Variants in TNNT3 observed in about 807,000 individuals in gnomAD.
TNNT3 encodes troponin T3, fast skeletal type, also known as troponin T, fast skeletal muscle.
A neutral mutation model predicts 54.2 loss-of-function variants in TNNT3; 36 were observed. The ratio of observed to expected loss-of-function variants is 0.66; its 90% confidence interval spans 0.51 to 0.88. TNNT3 has a LOEUF of 0.88. TNNT3 is among the 40% of genes least tolerant of loss of function. TNNT3 has a pLI of 0.00. For missense variants in TNNT3, 291 were observed against 331.6 expected (o/e 0.88, Z 0.95); for synonymous variants, 120 against 109.7 (o/e 1.09, Z -0.59).
At chr11:1,924,235 C>A (rs1235990739) in intron 4 of TNNT3, among the ~76,000 whole-genome samples, 2 of 152,220 alleles carry the variant, frequency 1.3e-5, no homozygotes, top group Non-Finnish European at 2.9e-5. Flanking sequence ...CAACCCTGTG[C>A]TGTAACCCTG....
intron 8 of TNNT3, among the ~76,000 whole-genome samples, 197 bp from the exon 9 acceptor site, chr11:1,932,272 G>A (rs1444992339): frequency 6.6e-6 from 1 of 152,270 alleles, no homozygotes; most frequent in African/African-American, 2.4e-5. Context: ...AGGGGCTCAA[G>A]CCACTCTCAG....
rs1179003571 is a variant in TNNT3, at chr11:1,938,454, A to C, written c.739A>C (p.Thr247Pro). The change falls in exon 16 of 16, where the codon ACC becomes CCC. Residue 247 changes from threonine (T) to proline (P), a missense_variant. Coordinates refer to ENST00000278317, the MANE Select transcript of TNNT3 (RefSeq NM_006757.4). The stretch of plus-strand genomic sequence containing the variant: ...CATTTGCAGCAGCAAGAAGGCTGGG[A>C]CCCCAGCCAAGGGCAAAGTCGGCGG... ...QAQKHSKKAG[T>P]PAKGKVGGRW... 1 of 1,613,228 alleles carries C rather than the reference A, an allele frequency of 6.2e-7. No individual in the cohort carries two copies. The highest frequency in any genetic ancestry group is 8.5e-7 in the Non-Finnish European group (1 of 1,179,904).
chr11:1,926,407 T>A lies in TNNT3; in HGVS notation c.68-288T>A, dbSNP rs960902705. ...GGGCTTTTCCATTAACCTCGGACGC[T>A]TCTCCATTGACCTCTGACCCGCGGT... On this transcript the variant is annotated intron_variant, in intron 5 of 15. Coordinates refer to ENST00000278317, the MANE Select transcript of TNNT3 (RefSeq NM_006757.4). 4 of 1,608,086 alleles carry A rather than the reference T, an allele frequency of 2.5e-6. No individual in the cohort carries two copies. In the African/African-American group the frequency reaches 4.0e-5, roughly 16 times the overall value.
At chr11:1,921,968 T>C (rs1354322607) in intron 1 of TNNT3, among the ~76,000 whole-genome samples, 1 of 152,176 alleles carries the variant, frequency 6.6e-6, no homozygotes, top group Non-Finnish European at 1.5e-5. Flanking sequence ...CAGCCAGTCC[T>C]GGGCATGGAG....
intron 8 of TNNT3, among the ~76,000 whole-genome samples, 162 bp from the exon 9 acceptor site, chr11:1,932,307 G>A (rs1294823806): frequency 6.6e-6 from 1 of 152,242 alleles, no homozygotes; most frequent in African/African-American, 2.4e-5. Flanking sequence ...AACCTCATAA[G>A]AATAAAGCTG....
chr11:1,931,135 A>G (rs1853233611), intron 8 of TNNT3, among the ~76,000 whole-genome samples: 1 of 152,196 alleles, frequency 6.6e-6, no homozygotes, highest in East Asian at 1.9e-4. Flanking sequence ...AGTCTTCTTA[A>G]ATATTTTGAA....
chr11:1,931,681 A>C (rs996027940), intron 8 of TNNT3, among the ~76,000 whole-genome samples: 8 of 149,284 alleles, frequency 5.4e-5, no homozygotes, highest in African/African-American at 2.0e-4. Flanking sequence ...ATTTGCTGAA[A>C]ATTTTTTTTA....
chr11:1,935,762 A>G (rs976786400), intron 14 of TNNT3, among the ~76,000 whole-genome samples: 5 of 151,692 alleles, frequency 3.3e-5, no homozygotes, highest in African/African-American at 1.2e-4. Flanking sequence ...GGCTGTGCCC[A>G]CGGGGCTTGT....
rs2133472038 is a variant in TNNT3 at position 1,934,639 on chromosome 11, G to T, written c.574G>T (p.Gly192Cys). Residue 192 changes from glycine to cysteine, a missense_variant, in exon 13 of 16, where the codon GGT (glycine) becomes TGT (cysteine). Gly to Cys is a radical substitution (Grantham distance 159, BLOSUM62 -3). Transcript: ENST00000278317. ...RRKPLNIDHL[G>C]EDKLRDKAKE... ...CAAGCCGCTCAACATCGATCACCTTGGTGAAGACAAACTGAGGTGAGGGGT... is the reference window on the plus strand; with the variant it reads ...CAAGCCGCTCAACATCGATCACCTTTGTGAAGACAAACTGAGGTGAGGGGT... The T allele has an allele frequency of 1.9e-6, 3 of 1,609,408 alleles. No homozygotes were observed. Among genetic ancestry groups the T allele is most frequent in the South Asian group, 1.1e-5 (1 of 90,716 alleles).
intron 1 of TNNT3, among the ~76,000 whole-genome samples, chr11:1,920,394 C>T (rs372684126): frequency 6.6e-6 from 1 of 152,058 alleles, no homozygotes; most frequent in Admixed American, 6.5e-5. Context: ...TGGGGCAGGA[C>T]GGGGCAAGAG....
At chr11:1,935,192 C>T in intron 14 of TNNT3, 1 of 547,792 alleles carries the variant, frequency 1.8e-6, no homozygotes, top group Non-Finnish European at 3.3e-6. Context: ...GCCAAAAGGA[C>T]TGTCGTGGCA....
At chr11:1,934,772 G>T in intron 13 of TNNT3, 57 bp from the exon 14 acceptor site, 2 of 1,600,590 alleles carry the variant, frequency 1.2e-6, no homozygotes, top group South Asian at 1.1e-5. Context: ...GACTCCAGGG[G>T]CCTGGCCCTG....
rs186387221 is a variant in TNNT3, at chr11:1,936,172, C to T, written c.682-791C>T. 1.0e-4 allele frequency: 168 copies of T among 1,613,062 alleles called. No homozygotes were observed. The African/African-American group carries it at 1.9e-3, about 19-fold the overall frequency. On this transcript the variant is annotated intron_variant, in intron 14 of 15. Coordinates refer to ENST00000278317, the MANE Select transcript of TNNT3 (RefSeq NM_006757.4). ...TAGCCCACAGCCGGGCCTCGATGCC[C>T]CAGCCGCCCATCCAGCCTTGTAACC...
intron 15 of TNNT3, among the ~76,000 whole-genome samples, chr11:1,937,961 C>A (rs1447098440): frequency 2.0e-5 from 3 of 152,186 alleles, no homozygotes; most frequent in Admixed American, 2.0e-4. Context: ...CGGGCCGAAG[C>A]ACTCCTGTCC....
Position 1,934,369 on chromosome 11 carries a change from G to A in TNNT3, c.404G>A (p.Arg135Lys). Residue 135 changes from arginine to lysine, a missense_variant, in exon 12 of 16, where the codon AGG (arginine) becomes AAG (lysine). Physicochemically the swap from Arg to Lys is conservative, Grantham distance 26. Coordinates refer to ENST00000278317, the MANE Select transcript of TNNT3 (RefSeq NM_006757.4). The stretch of plus-strand genomic sequence containing the variant: ...AGAAGGGAGGAGGAGGATGCCAAGA[G>A]GAGGGCAGAGGACGACCTGAAGAAG... ...KARREEEDAK[R>K]RAEDDLKKKK... The A allele has an allele frequency of 6.2e-7, 1 of 1,613,966 alleles. No individual in the cohort carries two copies. Among genetic ancestry groups the A allele is most frequent in the East Asian group, 2.2e-5 (1 of 44,880 alleles).
chr11:1,923,447 A>C, intron 3 of TNNT3, 108 bp from the exon 4 acceptor site: 1 of 1,205,864 alleles, frequency 8.3e-7, no homozygotes, highest in South Asian at 1.2e-5. Context: ...GGGCAGGGGC[A>C]GTCGCTGGCC....
At chr11:1,934,776 G>T in intron 13 of TNNT3, 53 bp from the exon 14 acceptor site, 1 of 1,603,508 alleles carries the variant, frequency 6.2e-7, no homozygotes, top group Non-Finnish European at 8.5e-7. Flanking sequence ...CCAGGGGCCT[G>T]GCCCTGCCTT....
At position 1,926,719 on chromosome 11, in the gene TNNT3, C is replaced by A. The variant is rs771959201; in HGVS notation, c.82+10C>A. On this transcript the variant is annotated intron_variant, in intron 6 of 15. Coordinates refer to ENST00000278317, the MANE Select transcript of TNNT3 (RefSeq NM_006757.4). ...GAGGAAGTTCAAGAAGGTACGCCGG[C>A]GCTCCCCCGCCTCCAGGCCAGAGTC... The A allele has an allele frequency of 1.2e-6, 2 of 1,613,170 alleles. No individual in the cohort carries two copies. The highest frequency in any genetic ancestry group is 1.7e-6 in the Non-Finnish European group (2 of 1,180,018).
At chr11:1,925,790 C>G (rs1851419112) in intron 5 of TNNT3, among the ~76,000 whole-genome samples, 1 of 152,176 alleles carries the variant, frequency 6.6e-6, no homozygotes, top group Admixed American at 6.5e-5. Flanking sequence ...CCCCTCACAG[C>G]CTTCTGCTAT....
Sources: allele counts gnomAD v4.1 joint callset (sites outside exome capture counted in the v4.1 genomes callset), GRCh38; gene constraint gnomAD v4.1.1; transcripts MANE v1.5; gene names NCBI Gene and HGNC (gene_info 2026-07-23, HGNC 2026-07-21).